ADGRL2: variants seen among roughly 807,000 people sequenced by gnomAD.
ADGRL2 encodes the protein calcium-independent alpha-latrotoxin receptor 2.
A neutral mutation model predicts 157.4 loss-of-function variants in ADGRL2; 44 were observed. The observed-to-expected ratio is 0.28, with a 90% confidence interval of 0.22 to 0.36. ADGRL2 has a LOEUF of 0.36. Among genes scored for constraint, ADGRL2 ranks in the 10% least tolerant of loss-of-function variants. ADGRL2 has a pLI of 1.00. For missense variants in ADGRL2, 1,510 were observed against 1,768.9 expected, an observed-to-expected ratio of 0.85 and a Z score of 2.63; for synonymous variants, 585 against 624.7, an observed-to-expected ratio of 0.94 and a Z score of 0.95.
intron 2 of ADGRL2, among the ~76,000 whole-genome samples, chr1:81,538,409 T>C (rs574119301): frequency 2.0e-5 from 3 of 152,268 alleles, no homozygotes; most frequent in Non-Finnish European, 4.4e-5. Context: ...GCTCCAGTCA[T>C]CATCTTTGTC....
At chr1:81,675,450 C>T (rs990253749) in intron 3 of ADGRL2, among the ~76,000 whole-genome samples, 3 of 151,864 alleles carry the variant, frequency 2.0e-5, no homozygotes, top group Non-Finnish European at 4.4e-5. Flanking sequence ...TTTTTCTTAA[C>T]AAAGAGGTGT....
In ADGRL2 at chr1:81,970,386, G is replaced by T. The variant is rs900691021; in HGVS notation, c.2806G>T (p.Gly936Cys). 6.3e-7 allele frequency: 1 copy of T among 1,590,342 alleles called. No individual in the cohort carries two copies. The highest frequency in any genetic ancestry group is 1.4e-5 in the African/African-American group (1 of 72,848). ...LAAFAWMCLEGVQLYLMLVEV... is the reference protein window; with the variant it reads ...LAAFAWMCLECVQLYLMLVEV... ...AGCTTTTGCTTGGATGTGCCTAGAA[G>T]GTGTGCAGCTCTACCTAATGTTAGT... is the stretch of plus-strand genomic sequence containing the variant. Residue 936 changes from glycine to cysteine, a missense_variant, in exon 16 of 24, where the codon GGT (glycine) becomes TGT (cysteine). Coordinates refer to ENST00000686636, the MANE Select transcript of ADGRL2 (RefSeq NM_001366006.2).
In ADGRL2 at chr1:81,734,800, G is replaced by A. The variant is rs575686476; in HGVS notation, c.-142-27011G>A. 8.0e-5 allele frequency among the ~76,000 whole-genome samples: 12 copies of A among 149,116 alleles called. 1 individual carries two copies. The highest frequency in any genetic ancestry group is 2.2e-4 in the South Asian group (1 of 4,554). Reference sequence around the variant, plus strand: ...TGTAATCCCAGCACTTTGGGAGGCCGAAGTGGATGAATCACCTGAGGTCGG... The same window carrying A: ...TGTAATCCCAGCACTTTGGGAGGCCAAAGTGGATGAATCACCTGAGGTCGG... On this transcript the variant is annotated intron_variant, in intron 1 of 20. Coordinates refer to the ADGRL2 transcript ENST00000359929.
chr1:81,863,425 C>A (rs780916391), intron 2 of ADGRL2, among the ~76,000 whole-genome samples: 4 of 152,068 alleles, frequency 2.6e-5, no homozygotes, highest in Non-Finnish European at 5.9e-5. Flanking sequence ...AGAAAGGATC[C>A]TTTTTCAGAA....
chr1:81,315,047 A>T (rs1660011846), intron 1 of ADGRL2, among the ~76,000 whole-genome samples: 1 of 152,194 alleles, frequency 6.6e-6, no homozygotes, highest in Admixed American at 6.5e-5. Flanking sequence ...GCCTTAATAT[A>T]AATGTCTTCT....
intron 3 of ADGRL2, among the ~76,000 whole-genome samples, chr1:81,694,480 A>G (rs1450741615): frequency 1.3e-5 from 2 of 151,982 alleles, no homozygotes; most frequent in African/African-American, 4.8e-5. Flanking sequence ...TTACTATAAC[A>G]TAATCTAGTA....
chr1:81,363,639 T>C (rs2076015634), intron 1 of ADGRL2, among the ~76,000 whole-genome samples: 1 of 152,152 alleles, frequency 6.6e-6, no homozygotes, highest in Admixed American at 6.5e-5. Flanking sequence ...TCCTCCATTG[T>C]GCTGCTGACC....
chr1:81,567,324 C>G (rs2080584820), intron 2 of ADGRL2, among the ~76,000 whole-genome samples: 4 of 152,204 alleles, frequency 2.6e-5, no homozygotes, highest in South Asian at 4.1e-4. Context: ...TAGTCACATA[C>G]AGCTGGTGGC....
chr1:81,320,195 T>C (rs981507613), intron 1 of ADGRL2, among the ~76,000 whole-genome samples: 3 of 152,212 alleles, frequency 2.0e-5, no homozygotes, highest in African/African-American at 7.2e-5. Flanking sequence ...TTGTCATGAG[T>C]CTGTAGCAAT....
intron 2 of ADGRL2, among the ~76,000 whole-genome samples, chr1:81,457,336 G>A (rs1355040411): frequency 1.3e-5 from 2 of 152,016 alleles, no homozygotes; most frequent in Non-Finnish European, 2.9e-5. Context: ...AGAAAATGTG[G>A]ACCTCCACTC....
At chr1:81,907,359 A>T in intron 3 of ADGRL2, 129 bp downstream of exon 3, 1 of 675,318 alleles carries the variant, frequency 1.5e-6, no homozygotes, top group South Asian at 1.9e-5. Context: ...TTGGGTTTTT[A>T]CCTACTAATG....
At chr1:81,907,857 C>T (rs574835142) in intron 3 of ADGRL2, among the ~76,000 whole-genome samples, 1 of 152,234 alleles carries the variant, frequency 6.6e-6, no homozygotes, top group East Asian at 1.9e-4. Flanking sequence ...TGAGTTTTGA[C>T]AAATGTATTC....
At chr1:81,576,937 C>A (rs2080809456) in intron 2 of ADGRL2, among the ~76,000 whole-genome samples, 1 of 152,062 alleles carries the variant, frequency 6.6e-6, no homozygotes, top group Admixed American at 6.6e-5. Context: ...ACATAGACAT[C>A]ATGTTGTTGG....
At chr1:81,930,715 T>G (rs747727175) in intron 3 of ADGRL2, among the ~76,000 whole-genome samples, 16 of 152,220 alleles carry the variant, frequency 1.1e-4, no homozygotes, top group Non-Finnish European at 2.2e-4. Context: ...AAATTATTTG[T>G]TACACTTCAG....
intron 2 of ADGRL2, among the ~76,000 whole-genome samples, chr1:81,894,924 A>T (rs2094348880): frequency 6.6e-6 from 1 of 152,210 alleles, no homozygotes; most frequent in Admixed American, 6.5e-5. Context: ...GTAAAAGGTT[A>T]CATGGCTGAT....
At chr1:81,458,967 AT>A (rs1281745657) in intron 2 of ADGRL2, among the ~76,000 whole-genome samples, 1 of 152,112 alleles carries the variant, frequency 6.6e-6, no homozygotes, top group Non-Finnish European at 1.5e-5. Flanking sequence ...GCAGAGAATA[AT>A]TTTATCGAGT....
intron 2 of ADGRL2, among the ~76,000 whole-genome samples, chr1:81,544,010 C>T (rs1250864962): frequency 6.6e-6 from 1 of 152,112 alleles, no homozygotes; most frequent in African/African-American, 2.4e-5. Context: ...CAGTCATTTG[C>T]TCAAGTGATG....
chr1:81,337,543 A>G (rs772011175), intron 1 of ADGRL2, among the ~76,000 whole-genome samples: 3 of 152,204 alleles, frequency 2.0e-5, no homozygotes, highest in Non-Finnish European at 4.4e-5. Flanking sequence ...TTTCAATTCT[A>G]GCATTATGAG....
At chr1:81,976,150 A>G (rs1057146752) in intron 17 of ADGRL2, among the ~76,000 whole-genome samples, 1 of 152,034 alleles carries the variant, frequency 6.6e-6, no homozygotes, top group African/African-American at 2.4e-5. Flanking sequence ...AAAGTGATAT[A>G]AAAATTTTTG....
Sources: allele counts gnomAD v4.1 joint callset (sites outside exome capture counted in the v4.1 genomes callset), GRCh38; gene constraint gnomAD v4.1.1; transcripts MANE v1.5; gene names NCBI Gene and HGNC (gene_info 2026-07-23, HGNC 2026-07-21).